LYPD5: variants seen among roughly 807,000 people sequenced by gnomAD.
The protein encoded by LYPD5 is ly6/PLAUR domain-containing protein 5.
A neutral mutation model predicts 19.1 loss-of-function variants in LYPD5; 21 were observed. The ratio of observed to expected loss-of-function variants is 1.10; its 90% confidence interval spans 0.78 to 1.58. The LOEUF (loss-of-function observed/expected upper bound fraction) is 1.58. Ranked by LOEUF, LYPD5 falls within the 40% of genes most tolerant of loss-of-function variation. The probability of loss-of-function intolerance (pLI) is 0.00; values close to 1 mark genes in which losing one functional copy is unlikely to be tolerated. For synonymous variants in LYPD5, 128 were observed against 142.7 expected (o/e 0.90, Z 0.74); for missense variants, 287 against 329.8 (o/e 0.87, Z 1.00).
chr19:43,816,068 AT>A (rs1271374199), intron 1 of LYPD5, among the ~76,000 whole-genome samples: 25 of 151,706 alleles, frequency 1.6e-4, no homozygotes, highest in African/African-American at 5.1e-4. Flanking sequence ...CTATCTATCT[AT>A]CTATCTATCT....
At chr19:43,812,393 TATCC>T (rs1568406605) in intron 1 of LYPD5, among the ~76,000 whole-genome samples, 2 of 143,498 alleles carry the variant, frequency 1.4e-5, no homozygotes, top group South Asian at 2.3e-4. Flanking sequence ...ATCATCTATC[TATCC>T]ATCCATCCAG....
In LYPD5 at chr19:43,796,556, C is replaced by T. The variant is rs1970132135; in HGVS notation, c.*1035G>A. On this transcript the variant is annotated 3_prime_UTR_variant, in exon 5 of 5. Transcript: ENST00000377950. ...GGTGAATTCCTCCAGGAAGTCTTCC[C>T]TGATCTTTATAGCTTGGAGAATTTC... 1 of 152,338 alleles carries T rather than the reference C, an allele frequency of 6.6e-6. No individual in the cohort carries two copies. Among genetic ancestry groups the T allele is most frequent in the South Asian group, 2.1e-4 (1 of 4,826 alleles). 9.4% of individuals were successfully genotyped at this position (152,338 alleles called of 1,614,324 possible).
chr19:43,804,898 G>A (rs531971114), upstream of LYPD5, among the ~76,000 whole-genome samples: 1 of 152,292 alleles, frequency 6.6e-6, no homozygotes, highest in South Asian at 2.1e-4. Context: ...AGGCTTACAG[G>A]GTAGGCAGAC....
At chr19:43,819,850 C>G (rs1226239696) in intron 1 of LYPD5, among the ~76,000 whole-genome samples, 1 of 152,138 alleles carries the variant, frequency 6.6e-6, no homozygotes, top group Non-Finnish European at 1.5e-5. Flanking sequence ...TGTGAGGGAA[C>G]CACTATGGGA....
intron 1 of LYPD5, among the ~76,000 whole-genome samples, chr19:43,817,188 G>A (rs963024674): frequency 1.3e-5 from 2 of 152,090 alleles, no homozygotes; most frequent in Non-Finnish European, 2.9e-5. Context: ...GTATAGTCAG[G>A]CCTCACTCAA....
chr19:43,797,441 G>A lies in LYPD5; in HGVS notation c.*150C>T, dbSNP rs1970147465. ...TTCTTCCAGTACTGTTGGCCAGGTT[G>A]TGGGGCACAAGGGCGGGAGAGATGG... On this transcript the variant is annotated 3_prime_UTR_variant, in exon 5 of 5. Coordinates refer to ENST00000377950, the MANE Select transcript of LYPD5 (RefSeq NM_001031749.3). 1 of 697,262 alleles carries A rather than the reference G, an allele frequency of 1.4e-6. No individual in the cohort carries two copies. Among genetic ancestry groups the A allele is most frequent in the East Asian group, 2.6e-5 (1 of 38,606 alleles). The allele number at this position is 697,262 out of a possible 1,614,324, so 43.2% of individuals were successfully genotyped here. A position where few individuals can be genotyped will look rare whatever the true frequency, so the allele number is the denominator to read the frequency against.
At chr19:43,804,775 C>CG (rs1970256668), upstream of LYPD5, among the ~76,000 whole-genome samples, 1 of 152,146 alleles carries the variant, frequency 6.6e-6, no homozygotes, top group African/African-American at 2.4e-5. Context: ...GGGTTGTGCT[C>CG]GGGGGTCTCT....
chr19:43,813,939 C>A (rs567344705), intron 1 of LYPD5, among the ~76,000 whole-genome samples: 1 of 152,188 alleles, frequency 6.6e-6, no homozygotes, highest in African/African-American at 2.4e-5. Flanking sequence ...TTGCCTGCAA[C>A]GGCCTCCCAA....
chr19:43,798,527 C>A lies in LYPD5; in HGVS notation c.445G>T (p.Gly149Cys), dbSNP rs1460297359. 1.2e-6 allele frequency: 2 copies of A among 1,611,888 alleles called. No homozygotes were observed. The highest frequency in any genetic ancestry group is 4.5e-5 in the East Asian group (2 of 44,888). Residue 149 changes from glycine to cysteine, a missense_variant, in exon 4 of 5, where the codon GGC becomes TGC. By Grantham distance (159) the Gly-to-Cys change is radical (BLOSUM62 -3). Transcript: ENST00000377950. ...IGVHQDDCAIGRSRRVQCHQD... is the reference protein window; with the variant it reads ...IGVHQDDCAICRSRRVQCHQD... Reference sequence around the variant, plus strand: ...TGACACTGGACTCGTCGGGACCTGCCGATAGCGCAGTCATCCTGGTGGACC... The same window carrying A: ...TGACACTGGACTCGTCGGGACCTGCAGATAGCGCAGTCATCCTGGTGGACC...
In LYPD5 at chr19:43,802,437, T is replaced by A; in HGVS notation, c.-57A>T. ...CCGCTGTGATGTGCTGCCTGGCTGG[T>A]TCTCCTTACTGAGTCCTAAGCATCC... On this transcript the variant is annotated 5_prime_UTR_variant, in exon 1 of 5. Transcript: ENST00000377950. 2 of 1,501,222 alleles carry A rather than the reference T, an allele frequency of 1.3e-6. No homozygotes were observed. The highest frequency in any genetic ancestry group is 1.8e-6 in the Non-Finnish European group (2 of 1,101,640). The allele number at this position is 1,501,222 out of a possible 1,614,324, so 93.0% of individuals were successfully genotyped here.
chr19:43,803,123 C>G (rs1445315839), upstream of LYPD5, among the ~76,000 whole-genome samples: 1 of 152,108 alleles, frequency 6.6e-6, no homozygotes, highest in Non-Finnish European at 1.5e-5. Flanking sequence ...TGCAGAAAGA[C>G]AGACACAGCC....
intron 1 of LYPD5, among the ~76,000 whole-genome samples, chr19:43,812,385 C>CTATCTATCT (rs377462346): frequency 1.0e-5 from 1 of 97,852 alleles, no homozygotes; most frequent in Non-Finnish European, 2.4e-5. Context: ...ATCAATCTAT[C>CTATCTATCT]ATCTATCTAT....
intron 1 of LYPD5, 101 bp from the exon 2 acceptor site, chr19:43,799,935 T>C: frequency 7.2e-7 from 1 of 1,390,880 alleles, no homozygotes; most frequent in Non-Finnish European, 9.6e-7. Context: ...GCCTGGCCCC[T>C]CTGCTCCCAG....
At chr19:43,809,776 A>C (rs1036228008) in intron 1 of LYPD5, among the ~76,000 whole-genome samples, 9 of 152,364 alleles carry the variant, frequency 5.9e-5, no homozygotes, top group African/African-American at 2.2e-4. Context: ...TGCAATATGA[A>C]ATACTGAATA....
At chr19:43,815,284 TGTTTGAGGCCAGGA>T (rs1184693377) in intron 1 of LYPD5, among the ~76,000 whole-genome samples, 2 of 151,892 alleles carry the variant, frequency 1.3e-5, no homozygotes, top group African/African-American at 2.4e-5. Context: ...GTGGGGGGAT[TGTTTGAGGCCAGGA>T]GTTTGAGGCC....
At chr19:43,818,179 A>G (rs1970389282) in intron 1 of LYPD5, among the ~76,000 whole-genome samples, 1 of 152,208 alleles carries the variant, frequency 6.6e-6, no homozygotes, top group Admixed American at 6.5e-5. Flanking sequence ...CCAAACATGG[A>G]TAAGTAACAA....
chr19:43,811,453 A>T (rs1277908701), intron 1 of LYPD5, among the ~76,000 whole-genome samples: 2 of 152,250 alleles, frequency 1.3e-5, no homozygotes, highest in African/African-American at 2.4e-5. Context: ...TGGGAGGCCA[A>T]GGCGGGCAGA....
At chr19:43,797,984 A>ATGCCTCTTCCCTCAGAACAGGGTCG (rs1970156636) in intron 4 of LYPD5, among the ~76,000 whole-genome samples, 155 bp from the exon 5 acceptor site, 4 of 151,492 alleles carry the variant, frequency 2.6e-5, no homozygotes, top group Admixed American at 2.6e-4. Context: ...GACCAGGGCC[A>ATGCCTCTTCCCTCAGAACAGGGTCG]TGCCTCTTCC....
intron 1 of LYPD5, among the ~76,000 whole-genome samples, chr19:43,814,301 G>C (rs1005115828): frequency 1.3e-5 from 2 of 152,078 alleles, no homozygotes; most frequent in Admixed American, 1.3e-4. Context: ...AAATCAATCT[G>C]GGCAACATAG....
Sources: gnomAD v4.1 joint callset for allele counts (sites outside exome capture counted in the v4.1 genomes callset) on GRCh38, gnomAD v4.1.1 for gene constraint, MANE v1.5 for transcripts, NCBI Gene and HGNC (gene_info 2026-07-23, HGNC 2026-07-21) for gene names.